The following CDKL5 variants were observed in gnomAD, a reference collection of about 807,000 sequenced individuals.
The protein encoded by CDKL5 is cyclin dependent kinase like 5.
A neutral mutation model predicts 61.7 loss-of-function variants in CDKL5; 8 were observed. The observed-to-expected ratio is 0.13, with a 90% CI of 0.08 to 0.23. CDKL5 has a LOEUF of 0.23. Ranked by LOEUF, CDKL5 falls within the 10% of genes least tolerant of loss-of-function variation. The pLI is 1.00. For synonymous variants in CDKL5, 275 were observed against 272.3 expected (o/e 1.01, Z -0.10); for missense variants, 440 against 734.5 (o/e 0.60, Z 4.63).
At chrX:18,565,885 GA>G (rs1569210883) in intron 4 of CDKL5, among the ~76,000 whole-genome samples, 1 of 111,969 alleles carries the variant, frequency 8.9e-6, no homozygotes, top group Non-Finnish European at 1.9e-5. Flanking sequence ...GGTCTAGCAG[GA>G]AGCAGTAGCT....
At chrX:18,540,448 A>T (rs1339485676) in intron 3 of CDKL5, among the ~76,000 whole-genome samples, 1 of 111,844 alleles carries the variant, frequency 8.9e-6, no homozygotes, top group Non-Finnish European at 1.9e-5. Flanking sequence ...AAGTGCTGGG[A>T]TTACAGGAGT....
chrX:18,527,768 T>G (rs186638227), intron 3 of CDKL5, among the ~76,000 whole-genome samples: 27 of 111,898 alleles, frequency 2.4e-4, no homozygotes, highest in African/African-American at 6.8e-4. Context: ...TAAGTTGCCC[T>G]TCTTTCTTTT....
chrX:18,594,420 C>T (rs749798429), intron 9 of CDKL5, among the ~76,000 whole-genome samples: 5 of 112,040 alleles, frequency 4.5e-5, no homozygotes, highest in East Asian at 2.8e-4. Context: ...TGTTTGTCTT[C>T]GGTTCCAACT....
chrX:18,490,133 C>T (rs1033399103), intron 1 of CDKL5, among the ~76,000 whole-genome samples: 2 of 111,628 alleles, frequency 1.8e-5, no homozygotes, highest in African/African-American at 6.5e-5. Context: ...TCATACCTTG[C>T]CCTGTGCATC....
chrX:18,529,332 A>G (rs917724898), intron 3 of CDKL5, among the ~76,000 whole-genome samples: 8 of 109,872 alleles, frequency 7.3e-5, no homozygotes, highest in African/African-American at 2.6e-4. Context: ...AGTCCCTTAT[A>G]ACGTTACTAT....
chrX:18,566,697 A>G (rs1924980113), intron 4 of CDKL5, among the ~76,000 whole-genome samples: 1 of 112,072 alleles, frequency 8.9e-6, no homozygotes, highest in Non-Finnish European at 1.9e-5. Flanking sequence ...TAACAATAAA[A>G]CACAGTAGAA....
rs1439650083 is a variant in CDKL5 at position 18,633,527 on chromosome X, G to C, written c.*4770G>C. On this transcript the variant is annotated 3_prime_UTR_variant, in exon 18 of 18. Coordinates refer to ENST00000623535, the MANE Select transcript of CDKL5 (RefSeq NM_001323289.2). Reference sequence around the variant, plus strand: ...ATTTCTTCCTTTTGCTTCTTGACCAGCTGAGATACAGAATATCTTGAGGTC... The same window carrying C: ...ATTTCTTCCTTTTGCTTCTTGACCACCTGAGATACAGAATATCTTGAGGTC... 2.7e-6 allele frequency: 2 copies of C among 752,708 alleles called. No homozygotes were observed. The highest frequency in any genetic ancestry group is 3.1e-6 in the Non-Finnish European group (2 of 638,909). 62.0% of individuals were successfully genotyped at this position (752,708 alleles called of 1,213,427 possible).
At chrX:18,537,710 C>G (rs1435230261) in intron 3 of CDKL5, among the ~76,000 whole-genome samples, 3 of 112,071 alleles carry the variant, frequency 2.7e-5, no homozygotes, top group Non-Finnish European at 5.6e-5. Flanking sequence ...TACTTCATCT[C>G]TATAATTTTG....
Position 18,507,028 on chromosome X carries a change from G to A in CDKL5, c.-69G>A. The A allele has an allele frequency of 1.2e-6, 1 of 816,389 alleles. No homozygotes were observed. The allele number at this position is 816,389 out of a possible 1,213,427, so 67.3% of individuals were successfully genotyped here. ...CCTTCAGACGGTTTTGGATCTTACTGCACAGCTTTCTGAGAAGTTCTTTTG... is the reference window on the plus strand; with the variant it reads ...CCTTCAGACGGTTTTGGATCTTACTACACAGCTTTCTGAGAAGTTCTTTTG... On this transcript the variant is annotated 5_prime_UTR_variant, in exon 2 of 18. Coordinates refer to ENST00000623535, the MANE Select transcript of CDKL5 (RefSeq NM_001323289.2).
intron 1 of CDKL5, among the ~76,000 whole-genome samples, chrX:18,481,105 C>G (rs1270723296): frequency 9.1e-6 from 1 of 110,457 alleles, no homozygotes; most frequent in South Asian, 3.8e-4. Flanking sequence ...ATGATCCACC[C>G]GCCTCGGCCT....
intron 1 of CDKL5, among the ~76,000 whole-genome samples, chrX:18,492,307 A>T (rs1922022463): frequency 9.0e-6 from 1 of 111,362 alleles, no homozygotes; most frequent in African/African-American, 3.3e-5. Context: ...CACTTTGCCC[A>T]TTTTAAAAAT....
chrX:18,641,974 C>T (rs776325745), downstream of CDKL5: 6 of 1,205,882 alleles, frequency 5.0e-6, no homozygotes, highest in African/African-American at 7.0e-5. Context: ...TGCCAGTCAC[C>T]CCCTGGCAGG....
At chrX:18,542,339 C>A (rs1213866039) in intron 3 of CDKL5, among the ~76,000 whole-genome samples, 1 of 111,868 alleles carries the variant, frequency 8.9e-6, no homozygotes, top group Admixed American at 9.5e-5. Flanking sequence ...GACATGTTCT[C>A]TTCGCAGCAT....
chrX:18,611,751 T>C (rs1368607164), intron 14 of CDKL5, among the ~76,000 whole-genome samples: 2 of 111,921 alleles, frequency 1.8e-5, no homozygotes, highest in Non-Finnish European at 3.8e-5. Flanking sequence ...GAGAGGGTAG[T>C]GAGAGCTTGG....
At position 18,632,847 on chromosome X, in the gene CDKL5, C is replaced by A. The variant is rs1366443159; in HGVS notation, c.*4090C>A. ...CTTAGTTAAGATCATAGTATCCTCA[C>A]TTCTTAAACTAGTCTTTAGAGTAAA... On this transcript the variant is annotated 3_prime_UTR_variant, in exon 18 of 18. Transcript: ENST00000623535. 9 of 751,532 alleles carry A rather than the reference C, an allele frequency of 1.2e-5. No homozygotes were observed. The highest frequency in any genetic ancestry group is 1.4e-5 in the Non-Finnish European group (9 of 637,819). The allele number at this position is 751,532 out of a possible 1,213,427, so 61.9% of individuals were successfully genotyped here.
intron 1 of CDKL5, among the ~76,000 whole-genome samples, chrX:18,449,010 A>G (rs1241372411): frequency 2.7e-5 from 3 of 111,114 alleles, no homozygotes; most frequent in African/African-American, 6.6e-5. Flanking sequence ...GCCCGCCACC[A>G]TGACTGGCTA....
At chrX:18,517,537 G>T (rs771936743) in intron 3 of CDKL5, among the ~76,000 whole-genome samples, 16 of 111,320 alleles carry the variant, frequency 1.4e-4, no homozygotes, top group Non-Finnish European at 2.6e-4. Context: ...ATTTCATTAG[G>T]CTCTGATAAA....
In CDKL5 at chrX:18,588,122, T is replaced by C. The variant is rs1420992299; in HGVS notation, c.723T>C (p.Asn241=). 1 of 1,209,975 alleles carries C rather than the reference T, an allele frequency of 8.3e-7. No homozygotes were observed. The highest frequency in any genetic ancestry group is 1.8e-5 in the South Asian group (1 of 56,889). Residue 241 remains asparagine (N), a synonymous_variant, in exon 9 of 18, where the codon AAT becomes AAC. Transcript: ENST00000623535. ...PSEQMKLFYS[N]PRFHGLRFPA... ...AGCAGATGAAGCTTTTCTACAGTAA[T>C]CCTCGCTTCCATGGGCTCCGGGTAA... is the stretch of plus-strand genomic sequence containing the variant.
intron 1 of CDKL5, among the ~76,000 whole-genome samples, chrX:18,439,013 A>AAACACTTC (rs1198532494): frequency 1.1e-4 from 11 of 103,466 alleles, no homozygotes; most frequent in Non-Finnish European, 2.2e-4. Context: ...AGTGCTCAAT[A>AAACACTTC]AACACTTCCC....
Sources: gnomAD v4.1 joint callset for allele counts (sites outside exome capture counted in the v4.1 genomes callset) on GRCh38, gnomAD v4.1.1 for gene constraint, MANE v1.5 for transcripts, NCBI Gene and HGNC (gene_info 2026-07-23, HGNC 2026-07-21) for gene names.